Variants in PCDHA1 observed in about 807,000 individuals in gnomAD.
The protein encoded by PCDHA1 is protocadherin alpha-1.
Under a neutral mutation model 61.3 loss-of-function variants are expected in PCDHA1, and 42 were observed. The ratio of observed to expected loss-of-function variants is 0.69; its 90% CI spans 0.54 to 0.89. The LOEUF (loss-of-function observed/expected upper bound fraction) is 0.89, where lower values mean the gene tolerates loss of function less well. Among genes scored for constraint, PCDHA1 ranks in the 40% least tolerant of loss-of-function variants. PCDHA1 has a pLI of 0.00. For synonymous variants in PCDHA1, 610 were observed against 553.8 expected (o/e 1.10, Z -1.43); for missense variants, 1,256 against 1,235.3 (o/e 1.02, Z -0.25).
intron 1 of PCDHA1, among the ~76,000 whole-genome samples, chr5:140,955,276 T>A (rs1485560412): frequency 6.6e-6 from 1 of 152,120 alleles, no homozygotes; most frequent in Non-Finnish European, 1.5e-5. Flanking sequence ...TTTGGTTCCA[T>A]ATTGATATGG....
intron 1 of PCDHA1, chr5:140,850,132 G>T (rs2150469208): frequency 6.3e-7 from 1 of 1,595,756 alleles, no homozygotes; most frequent in Non-Finnish European, 8.6e-7. Flanking sequence ...CCGCCTCTGG[G>T]CAGCAACGTG....
At chr5:140,993,817 T>C (rs1467199618) in intron 3 of PCDHA1, among the ~76,000 whole-genome samples, 2 of 152,240 alleles carry the variant, frequency 1.3e-5, no homozygotes, top group Non-Finnish European at 2.9e-5. Context: ...CTAGGAGCAA[T>C]AGGCTATACC....
chr5:140,934,305 A>T, intron 1 of PCDHA1, among the ~76,000 whole-genome samples: 1 of 152,150 alleles, frequency 6.6e-6, no homozygotes, highest in African/African-American at 2.4e-5. Flanking sequence ...TATTTTTCTT[A>T]CTGCAAATGT....
At chr5:140,829,784 C>T (rs2150174658) in intron 1 of PCDHA1, 2 of 1,613,724 alleles carry the variant, frequency 1.2e-6, no homozygotes, top group Non-Finnish European at 1.7e-6. Context: ...CGCGCCGGCG[C>T]TGCTGGCGCC....
chr5:140,807,343 G>A, intron 1 of PCDHA1: 1 of 1,613,188 alleles, frequency 6.2e-7, no homozygotes, highest in Non-Finnish European at 8.5e-7. Context: ...CGCAGGACCT[G>A]GGACTGGAGC....
At chr5:140,958,264 A>G (rs2153717297) in intron 1 of PCDHA1, among the ~76,000 whole-genome samples, 1 of 152,230 alleles carries the variant, frequency 6.6e-6, no homozygotes, top group Admixed American at 6.5e-5. Flanking sequence ...TTAATTTGGT[A>G]CAAGAAGTAT....
rs1472769366 is a variant in PCDHA1, at chr5:140,928,640, T to C, written c.2395-50309T>C. On this transcript the variant is annotated intron_variant, in intron 1 of 3. Transcript: ENST00000504120. ...AGGACTGGACACTTGGTCACAAAAG[T>C]GGTAGCAGAGGATGCTGACAGTGGT... The C allele has an allele frequency of 1.2e-6, 2 of 1,614,096 alleles. No individual in the cohort carries two copies. Among genetic ancestry groups the C allele is most frequent in the African/African-American group, 2.7e-5 (2 of 74,930 alleles).
At chr5:140,801,616 T>A (rs781989124) in intron 1 of PCDHA1, 1 of 1,614,082 alleles carries the variant, frequency 6.2e-7, no homozygotes, top group Admixed American at 1.7e-5. Flanking sequence ...GTAAAGAATC[T>A]GTTTATTTCC....
At chr5:140,944,655 C>A (rs1045047658) in intron 1 of PCDHA1, among the ~76,000 whole-genome samples, 3 of 152,128 alleles carry the variant, frequency 2.0e-5, no homozygotes, top group Admixed American at 2.0e-4. Flanking sequence ...GGAGTCCATA[C>A]CCCTTATTTA....
chr5:140,843,712 C>T, intron 1 of PCDHA1: 1 of 1,569,886 alleles, frequency 6.4e-7, no homozygotes, highest in Non-Finnish European at 8.7e-7. Context: ...ATCATGGCCT[C>T]AAAGTAAGTC....
At chr5:140,871,567 A>AT (rs1441824086) in intron 1 of PCDHA1, 49 of 1,482,936 alleles carry the variant, frequency 3.3e-5, no homozygotes, top group Non-Finnish European at 3.9e-5. Flanking sequence ...TTTTTCACGG[A>AT]TTTTTTAAGG....
chr5:140,915,785 A>T (rs188846929), intron 1 of PCDHA1, among the ~76,000 whole-genome samples: 14 of 152,134 alleles, frequency 9.2e-5, no homozygotes, highest in Admixed American at 7.2e-4. Flanking sequence ...TGCTGTAACC[A>T]CTACCTGACT....
chr5:140,823,082 C>T lies in PCDHA1; in HGVS notation c.2394+34398C>T, dbSNP rs1171267979. The T allele has an allele frequency of 4.3e-6, 7 of 1,613,782 alleles. No individual in the cohort carries two copies. The African/African-American group carries it at 8.0e-5, about 18-fold the overall frequency. On this transcript the variant is annotated intron_variant, in intron 1 of 3. Coordinates refer to ENST00000504120, the MANE Select transcript of PCDHA1 (RefSeq NM_018900.4). ...GACGGGGGCTCGCCTTCGCTGTGGG[C>T]CACCGCCAGCGTGTCTGTGGAAGTG...
In PCDHA1 at chr5:141,011,628, A is replaced by G. The variant is rs568783669; in HGVS notation, c.*1691A>G. On this transcript the variant is annotated 3_prime_UTR_variant, in exon 4 of 4. Coordinates refer to ENST00000504120, the MANE Select transcript of PCDHA1 (RefSeq NM_018900.4). ...TTTATTTATGGTCCAGCCAAGAGCC[A>G]TCTCGTGCCAAGACTTCTGCTGGCA... is the stretch of plus-strand genomic sequence containing the variant. The G allele has an allele frequency of 6.5e-6, 1 of 153,882 alleles. No homozygotes were observed. Among genetic ancestry groups the G allele is most frequent in the East Asian group, 1.9e-4 (1 of 5,186 alleles). 9.5% of individuals were successfully genotyped at this position (153,882 alleles called of 1,614,324 possible).
intron 3 of PCDHA1, among the ~76,000 whole-genome samples, chr5:140,983,060 A>G (rs1460099092): frequency 6.6e-6 from 1 of 152,120 alleles, no homozygotes; most frequent in Non-Finnish European, 1.5e-5. Flanking sequence ...TATCGGAACC[A>G]AGGCATTGTT....
intron 1 of PCDHA1, chr5:140,870,860 C>G: frequency 6.2e-7 from 1 of 1,613,882 alleles, no homozygotes; most frequent in East Asian, 2.2e-5. Context: ...TCGGTGGGTG[C>G]GGGCCACGTG....
intron 1 of PCDHA1, chr5:140,830,426 T>G (rs2150186356): frequency 6.2e-7 from 1 of 1,613,866 alleles, no homozygotes; most frequent in Non-Finnish European, 8.5e-7. Flanking sequence ...CCTTTCACCT[T>G]GTCCTATTAT....
At chr5:140,902,669 T>C (rs767769713) in intron 1 of PCDHA1, among the ~76,000 whole-genome samples, 1 of 152,166 alleles carries the variant, frequency 6.6e-6, no homozygotes, top group Non-Finnish European at 1.5e-5. Flanking sequence ...ACCCAAGCAG[T>C]GTACACCGTA....
chr5:140,949,880 A>G (rs1448161802), intron 1 of PCDHA1, among the ~76,000 whole-genome samples: 1 of 151,692 alleles, frequency 6.6e-6, no homozygotes, highest in African/African-American at 2.4e-5. Flanking sequence ...TTATTTGGGT[A>G]TTCCTCAGAA....
Sources: gnomAD v4.1 joint callset for allele counts (sites outside exome capture counted in the v4.1 genomes callset) on GRCh38, gnomAD v4.1.1 for gene constraint, MANE v1.5 for transcripts, NCBI Gene and HGNC (gene_info 2026-07-23, HGNC 2026-07-21) for gene names.